CKAP2: variants seen among roughly 807,000 people sequenced by gnomAD.
CKAP2 encodes cytoskeleton associated protein 2, also known as cytoskeleton-associated protein 2.
CKAP2 carries 46 observed loss-of-function variants against 58.4 expected under a neutral mutation model. That is an observed-to-expected ratio of 0.79 (90% confidence interval 0.62 to 1.01). The LOEUF is 1.01. Ranked by LOEUF, CKAP2 falls within the 50% of genes least tolerant of loss-of-function variation. The probability of loss-of-function intolerance (pLI) is 0.00; values close to 1 mark genes in which losing one functional copy is unlikely to be tolerated. For synonymous variants in CKAP2, 293 were observed against 280.9 expected (o/e 1.04, Z -0.43); for missense variants, 809 against 796.4 (o/e 1.02, Z -0.19).
At chr13:52,472,167 C>T (rs1313062210) in intron 7 of CKAP2, among the ~76,000 whole-genome samples, 1 of 152,206 alleles carries the variant, frequency 6.6e-6, no homozygotes, top group Admixed American at 6.5e-5. Flanking sequence ...CCCCTCTCCT[C>T]TCAACCTAGG....
In CKAP2 at chr13:52,461,860, A is replaced by G. The variant is rs759056863; in HGVS notation, c.1034A>G (p.His345Arg). ...EKSEPVDQRR[H>R]TAGKAIVDSR... is the part of the protein sequence containing the mutation. ...TCAGAGCCCGTTGACCAGCGAAGAC[A>G]TACTGCAGGAAAAGCAATTGTTGAT... is the stretch of plus-strand genomic sequence containing the variant. The change falls in exon 4 of 9, where the codon CAT becomes CGT. Residue 345 changes from histidine to arginine, a missense_variant. This residue lies in a region of CKAP2 where 523 missense variants were observed against 492.4 expected (regional missense o/e 1.06). Transcript: ENST00000258607. 3.7e-6 allele frequency: 6 copies of G among 1,614,160 alleles called. No individual in the cohort carries two copies. The highest frequency in any genetic ancestry group is 4.2e-6 in the Non-Finnish European group (5 of 1,180,012).
intron 5 of CKAP2, among the ~76,000 whole-genome samples, 182 bp downstream of exon 5, chr13:52,462,749 TTAA>T (rs1249839416): frequency 1.3e-5 from 2 of 152,186 alleles, no homozygotes; most frequent in African/African-American, 4.8e-5. Flanking sequence ...GCTTCATTCA[TTAA>T]TTGTGAGCTT....
At position 52,462,434 on chromosome 13, in the gene CKAP2, A is replaced by G; in HGVS notation, c.1172A>G (p.Gln391Arg). The G allele has an allele frequency of 6.2e-7, 1 of 1,614,180 alleles. No homozygotes were observed. The highest frequency in any genetic ancestry group is 8.5e-7 in the Non-Finnish European group (1 of 1,180,016). The change falls in exon 5 of 9, where the codon CAG (glutamine) becomes CGG (arginine). Residue 391 changes from glutamine to arginine, a missense_variant. Physicochemically the swap from Gln to Arg is conservative, Grantham distance 43. This residue lies in a region of CKAP2 where 523 missense variants were observed against 492.4 expected (regional missense o/e 1.06). Transcript: ENST00000258607. ...AGGCCCCCTAATTCAGTAGTTACTCAGCATGAGCCTGCAGGACAAAATGAA... is the reference window on the plus strand; with the variant it reads ...AGGCCCCCTAATTCAGTAGTTACTCGGCATGAGCCTGCAGGACAAAATGAA... ...LKRPPNSVVT[Q>R]HEPAGQNEKP...
In CKAP2 at chr13:52,474,007, T is replaced by A. The variant is rs1958794184; in HGVS notation, c.1725T>A (p.Asp575Glu). 3 of 1,613,908 alleles carry A rather than the reference T, an allele frequency of 1.9e-6. No individual in the cohort carries two copies. The highest frequency in any genetic ancestry group is 2.5e-6 in the Non-Finnish European group (3 of 1,179,938). The change falls in exon 8 of 9, where the codon GAT (aspartate) becomes GAA (glutamate). Residue 575 changes from aspartate (D) to glutamate (E), a missense_variant. Physicochemically the swap from Asp to Glu is conservative, Grantham distance 45 (BLOSUM62 2). Coordinates refer to ENST00000258607, the MANE Select transcript of CKAP2 (RefSeq NM_018204.5). ...QDNKTKDPTHDVKTPNTETRT... is the reference protein window; with the variant it reads ...QDNKTKDPTHEVKTPNTETRT... ...ACAAAACAAAAGATCCAACCCATGATGTTAAAACCCCCAATACAGAAACGA... is the reference window on the plus strand; with the variant it reads ...ACAAAACAAAAGATCCAACCCATGAAGTTAAAACCCCCAATACAGAAACGA...
chr13:52,466,240 G>A (rs1052368836), intron 6 of CKAP2, among the ~76,000 whole-genome samples: 4 of 151,780 alleles, frequency 2.6e-5, no homozygotes, highest in African/African-American at 4.8e-5. Context: ...TGTTTGGTTG[G>A]GTTTTTGTTT....
chr13:52,470,231 G>T (rs950595694), intron 7 of CKAP2, among the ~76,000 whole-genome samples: 1 of 151,576 alleles, frequency 6.6e-6, no homozygotes, highest in Non-Finnish European at 1.5e-5. Context: ...TCAGCCTCCT[G>T]AGTAGCTGGG....
intron 2 of CKAP2, among the ~76,000 whole-genome samples, chr13:52,460,065 C>T (rs1464061850): frequency 6.6e-6 from 1 of 151,880 alleles, no homozygotes; most frequent in African/African-American, 2.4e-5. Flanking sequence ...TGCCGTGTTG[C>T]CCAGGCTGCT....
At chr13:52,458,812 A>G (rs1958526777) in intron 2 of CKAP2, among the ~76,000 whole-genome samples, 1 of 151,912 alleles carries the variant, frequency 6.6e-6, no homozygotes, top group African/African-American at 2.4e-5. Flanking sequence ...AGCCAAGATC[A>G]GGCCATCGCA....
At position 52,475,357 on chromosome 13, in the gene CKAP2, G is replaced by GT. The variant is rs1264077259; in HGVS notation, c.*222dup. The GT allele has an allele frequency of 1.7e-4, 90 of 537,516 alleles. No homozygotes were observed. The highest frequency in any genetic ancestry group is 2.4e-4 in the Non-Finnish European group (78 of 324,492). The allele number at this position is 537,516 out of a possible 1,614,324, so 33.3% of individuals were successfully genotyped here. On this transcript the variant is annotated 3_prime_UTR_variant, in exon 9 of 9. Transcript: ENST00000258607. ...TACCTTGTCAGTTTCAACCAACTGA[G>GT]TTTTTTCTTTAAGAAAGGTAAATTT...
At chr13:52,472,701 C>T (rs11618716) in intron 7 of CKAP2, among the ~76,000 whole-genome samples, 69,281 of 152,036 alleles carry the variant, frequency 0.46, 17,566 homozygotes, top group East Asian at 0.64. Context: ...ATAAGACGCT[C>T]CTAATACATT....
At chr13:52,467,603 A>G (rs1032488565) in intron 6 of CKAP2, among the ~76,000 whole-genome samples, 9 of 151,976 alleles carry the variant, frequency 5.9e-5, no homozygotes, top group Non-Finnish European at 1.2e-4. Flanking sequence ...CAGCTACTCG[A>G]GAGGCTGAGG....
At chr13:52,467,679 A>G (rs960056622) in intron 6 of CKAP2, among the ~76,000 whole-genome samples, 2 of 152,206 alleles carry the variant, frequency 1.3e-5, no homozygotes, top group African/African-American at 4.8e-5. Context: ...ACTGCATTCC[A>G]TCCTGGCAAT....
At chr13:52,465,569 T>C (rs1958655661) in intron 6 of CKAP2, 104 bp downstream of exon 6, 1 of 979,120 alleles carries the variant, frequency 1.0e-6, no homozygotes, top group South Asian at 1.4e-5. Context: ...TCTTTGTATA[T>C]GTAGTGGTAA....
intron 7 of CKAP2, among the ~76,000 whole-genome samples, chr13:52,473,010 T>TCATC (rs1958780137): frequency 6.6e-6 from 1 of 151,074 alleles, no homozygotes; most frequent in Admixed American, 6.6e-5. Flanking sequence ...GCCACTGCAC[T>TCATC]CCATCCTAGG....
intron 5 of CKAP2, among the ~76,000 whole-genome samples, chr13:52,463,351 C>T (rs1958613418): frequency 6.6e-6 from 1 of 152,162 alleles, no homozygotes; most frequent in African/African-American, 2.4e-5. Context: ...GCAAAGGTGT[C>T]ACTTTGTCAG....
In CKAP2 at chr13:52,456,617, A is replaced by G. The variant is rs1958485706; in HGVS notation, c.155+10A>G. On this transcript the variant is annotated intron_variant, in intron 2 of 8. Transcript: ENST00000258607. ...ATGAGATGTTATCCAGGTAAGGTCA[A>G]GTTTATTTCTTTTCACTTCTGTAAA... is the stretch of plus-strand genomic sequence containing the variant. 2 of 1,596,846 alleles carry G rather than the reference A, an allele frequency of 1.3e-6. No homozygotes were observed. Among genetic ancestry groups the G allele is most frequent in the Non-Finnish European group, 1.7e-6 (2 of 1,165,842 alleles).
At chr13:52,466,004 TAC>T (rs1008809128) in intron 6 of CKAP2, among the ~76,000 whole-genome samples, 10 of 151,356 alleles carry the variant, frequency 6.6e-5, no homozygotes, top group African/African-American at 9.7e-5. Flanking sequence ...CACATATATA[TAC>T]ACACATACAC....
In CKAP2 at chr13:52,461,365, G is replaced by A; in HGVS notation, c.539G>A (p.Gly180Asp). 6.2e-7 allele frequency: 1 copy of A among 1,614,164 alleles called. No individual in the cohort carries two copies. The highest frequency in any genetic ancestry group is 1.7e-5 in the Admixed American group (1 of 60,018). ...AAACCTGTGCTTGGATCTTATCGTG[G>A]CCAGATTGTTCAGTCTAAGATTAAT... ...PKKPVLGSYR[G>D]QIVQSKINSF... Residue 180 changes from glycine to aspartate, a missense_variant, in exon 4 of 9, where the codon GGC becomes GAC. By Grantham distance (94) the Gly-to-Asp change is moderately conservative. Transcript: ENST00000258607.
At position 52,461,719 on chromosome 13, in the gene CKAP2, G is replaced by T. The variant is rs773134680; in HGVS notation, c.893G>T (p.Ser298Ile). Residue 298 changes from serine to isoleucine, a missense_variant, in exon 4 of 9, where the codon AGT (serine) becomes ATT (isoleucine). Physicochemically the swap from Ser to Ile is moderately radical, Grantham distance 142. Transcript: ENST00000258607. Reference protein sequence around the residue: ...ELLQSKTALSSVKTSSSQGII... With the variant: ...ELLQSKTALSIVKTSSSQGII... ...TTACAATCAAAAACAGCTTTATCTAGTGTCAAAACCAGTTCTTCTCAAGGT... is the reference window on the plus strand; with the variant it reads ...TTACAATCAAAAACAGCTTTATCTATTGTCAAAACCAGTTCTTCTCAAGGT... 6.2e-7 allele frequency: 1 copy of T among 1,613,776 alleles called. No homozygotes were observed. Among genetic ancestry groups the T allele is most frequent in the Non-Finnish European group, 8.5e-7 (1 of 1,179,846 alleles).
Sources: gnomAD v4.1 joint callset for allele counts (sites outside exome capture counted in the v4.1 genomes callset) on GRCh38, gnomAD v4.1.1 for gene constraint, gnomAD v4.1.1 regional missense constraint, MANE v1.5 for transcripts, NCBI Gene and HGNC (gene_info 2026-07-23, HGNC 2026-07-21) for gene names.